PLEKHA6: variants seen among roughly 807,000 people sequenced by gnomAD.
The protein encoded by PLEKHA6 is pleckstrin homology domain-containing family A member 6.
Under a neutral mutation model 116.7 loss-of-function variants are expected in PLEKHA6, and 60 were observed. That is an observed-to-expected ratio of 0.51 (90% CI 0.42 to 0.64). PLEKHA6 has a LOEUF of 0.64. Among genes scored for constraint, PLEKHA6 ranks in the 30% least tolerant of loss-of-function variants. The pLI is 0.00. For missense variants in PLEKHA6, 1,338 were observed against 1,422.7 expected, an observed-to-expected ratio of 0.94 and a Z score of 0.96; for synonymous variants, 489 against 556.1, an observed-to-expected ratio of 0.88 and a Z score of 1.70.
intron 1 of PLEKHA6, among the ~76,000 whole-genome samples, chr1:204,304,754 C>A (rs1488858110): frequency 6.6e-6 from 1 of 152,104 alleles, no homozygotes; most frequent in Non-Finnish European, 1.5e-5. Flanking sequence ...TTAGCTTGAG[C>A]CTAAAAATTA....
chr1:204,358,930 C>T (rs1158978407), intron 1 of PLEKHA6, among the ~76,000 whole-genome samples: 2 of 151,064 alleles, frequency 1.3e-5, no homozygotes, highest in Non-Finnish European at 3.0e-5. Context: ...TGTCTCGCCC[C>T]GCTTCCCTCC....
At position 204,249,167 on chromosome 1, in the gene PLEKHA6, C is replaced by T. The variant is rs1558059936; in HGVS notation, c.1674+17G>A. The T allele has an allele frequency of 2.5e-6, 4 of 1,606,616 alleles. No individual in the cohort carries two copies. In the South Asian group the frequency reaches 4.4e-5, roughly 18 times the overall value. ...TCGCCCATCTGCCCCAGCTTAAAGC[C>T]ACCCCCAGCTTCTCACCTTCTCAGC... On this transcript the variant is annotated intron_variant, in intron 11 of 22. Coordinates refer to ENST00000272203, the MANE Select transcript of PLEKHA6 (RefSeq NM_014935.5).
Position 204,227,907 on chromosome 1 carries a change from C to T in PLEKHA6, c.3031+176G>A, listed in dbSNP as rs188494457. 1.3e-3 allele frequency among the ~76,000 whole-genome samples: 204 copies of T among 152,294 alleles called. 1 individual carries two copies. The highest frequency in any genetic ancestry group is 4.5e-3 in the African/African-American group (189 of 41,562). ...AGCAACTCTGGCCCCTTTGCACCTC[C>T]CTGAGCCTAGCACAGTACCTGGTGC... is the stretch of plus-strand genomic sequence containing the variant. On this transcript the variant is annotated intron_variant, in intron 21 of 22. Coordinates refer to ENST00000272203, the MANE Select transcript of PLEKHA6 (RefSeq NM_014935.5).
At chr1:204,359,125 T>C (rs1469078040) in intron 1 of PLEKHA6, among the ~76,000 whole-genome samples, 1 of 151,802 alleles carries the variant, frequency 6.6e-6, no homozygotes, top group East Asian at 1.9e-4. Context: ...CTTCAAGAGC[T>C]CCCCACTAAA....
intron 2 of PLEKHA6, among the ~76,000 whole-genome samples, chr1:204,370,458 C>G (rs895273356): frequency 2.0e-5 from 3 of 152,282 alleles, no homozygotes; most frequent in African/African-American, 7.2e-5. Context: ...CCCACACCCC[C>G]TCTTACTGGC....
rs375071245 is a variant in PLEKHA6, at chr1:204,260,328, A to G, written c.525-588T>C. On this transcript the variant is annotated intron_variant, in intron 7 of 22. Transcript: ENST00000272203. ...CCAGGAGCAGAAGTTTCTGCTTTCA[A>G]ACTCACAAGCACATAAACACGCTAG... is the stretch of plus-strand genomic sequence containing the variant. Among the ~76,000 whole-genome samples the G allele has an allele frequency of 5.3e-5, 8 of 152,276 alleles. No individual in the cohort carries two copies. In the East Asian group the frequency reaches 1.4e-3, roughly 26 times the overall value.
intron 1 of PLEKHA6, among the ~76,000 whole-genome samples, chr1:204,345,881 C>T (rs1673024558): frequency 6.6e-6 from 1 of 152,238 alleles, no homozygotes; most frequent in Non-Finnish European, 1.5e-5. Flanking sequence ...TTCCCAGTCG[C>T]TCTCCACACT....
At chr1:204,371,825 A>G (rs541631398) in intron 1 of PLEKHA6, among the ~76,000 whole-genome samples, 11 of 152,344 alleles carry the variant, frequency 7.2e-5, no homozygotes, top group African/African-American at 2.6e-4. Flanking sequence ...ACCTCAAAGA[A>G]TCTACATCCC....
chr1:204,304,998 A>G (rs921169798), intron 1 of PLEKHA6, among the ~76,000 whole-genome samples: 30 of 152,324 alleles, frequency 2.0e-4, no homozygotes, highest in African/African-American at 7.2e-4. Flanking sequence ...GAATTTTACC[A>G]TATCCTCGCC....
At chr1:204,322,376 G>T (rs567350295) in intron 1 of PLEKHA6, among the ~76,000 whole-genome samples, 1 of 152,090 alleles carries the variant, frequency 6.6e-6, no homozygotes, top group Non-Finnish European at 1.5e-5. Flanking sequence ...TAGCTGCCCC[G>T]GCATCCTTCT....
chr1:204,268,584 T>A (rs1667099944), intron 3 of PLEKHA6, among the ~76,000 whole-genome samples: 1 of 151,916 alleles, frequency 6.6e-6, no homozygotes. Context: ...CAGCCTTTTT[T>A]TTTTTTTTTG....
At chr1:204,312,841 A>ATTTTC (rs138741377) in intron 1 of PLEKHA6, among the ~76,000 whole-genome samples, 15,397 of 140,418 alleles carry the variant, frequency 0.11, 977 homozygotes, top group African/African-American at 0.12. Context: ...CCCTTAGCCC[A>ATTTTC]TTTTCTTTTC....
chr1:204,276,734 C>G (rs1363843010), intron 1 of PLEKHA6, among the ~76,000 whole-genome samples: 2 of 152,036 alleles, frequency 1.3e-5, no homozygotes, highest in Admixed American at 6.5e-5. Context: ...TAGGGAATGG[C>G]ACATCTCTCC....
At chr1:204,318,069 G>A (rs1330596305) in intron 1 of PLEKHA6, among the ~76,000 whole-genome samples, 3 of 152,190 alleles carry the variant, frequency 2.0e-5, no homozygotes, top group East Asian at 1.9e-4. Context: ...TGCTTACAAG[G>A]TAAATATCCT....
intron 1 of PLEKHA6, among the ~76,000 whole-genome samples, chr1:204,340,797 C>T (rs971461958): frequency 1.3e-5 from 2 of 152,188 alleles, no homozygotes; most frequent in Non-Finnish European, 2.9e-5. Context: ...AGGAAAGAAA[C>T]AGAAGACAAA....
In PLEKHA6 at chr1:204,247,425, G is replaced by T. The variant is rs138342507; in HGVS notation, c.1860C>A (p.Leu620=). 1.2e-6 allele frequency: 2 copies of T among 1,613,224 alleles called. No individual in the cohort carries two copies. The highest frequency in any genetic ancestry group is 8.5e-7 in the Non-Finnish European group (1 of 1,179,350). ...CGTGCAGGGCAGAGACCTCAGACTC[G>T]AGGTGCTCATACTCTATGGTGCTGT... The part of the protein sequence containing the change: ...LTNSTIEYEH[L]ESEVSALHDD... Residue 620 remains leucine, a synonymous_variant, in exon 13 of 23, where the codon CTC becomes CTA. Transcript: ENST00000272203.
At position 204,273,702 on chromosome 1, in the gene PLEKHA6, C is replaced by A. The variant is rs746148173; in HGVS notation, c.26G>T (p.Arg9Leu). The A allele has an allele frequency of 6.2e-7, 1 of 1,614,060 alleles. No homozygotes were observed. Among genetic ancestry groups the A allele is most frequent in the Non-Finnish European group, 8.5e-7 (1 of 1,179,958 alleles). Reference sequence around the variant, plus strand: ...TATGTCACTGTTGGTGGTAGCCGGGCGTTTCCCACCTGTTTTATTGGACAT... The same window carrying A: ...TATGTCACTGTTGGTGGTAGCCGGGAGTTTCCCACCTGTTTTATTGGACAT... The part of the protein sequence containing the change: MSNKTGGK[R>L]PATTNSDIPN... Residue 9 changes from arginine (R) to leucine (L), a missense_variant, in exon 3 of 23, where the codon CGC becomes CTC. By Grantham distance (102) the Arg-to-Leu change is moderately radical (BLOSUM62 -2). This residue lies in a region of PLEKHA6 where 62 missense variants were observed against 61.7 expected (regional missense o/e 1.01). Transcript: ENST00000272203.
chr1:204,226,319 G>A (rs1419940934), intron 21 of PLEKHA6, among the ~76,000 whole-genome samples: 1 of 152,206 alleles, frequency 6.6e-6, no homozygotes, highest in African/African-American at 2.4e-5. Context: ...TGACATGTAA[G>A]CCCATGTGTA....
intron 5 of PLEKHA6, among the ~76,000 whole-genome samples, chr1:204,265,252 T>A (rs1377710851): frequency 6.6e-6 from 1 of 152,204 alleles, no homozygotes; most frequent in South Asian, 2.1e-4. Flanking sequence ...CTGGAGATGC[T>A]GTTCCAGACA....
Sources: allele counts gnomAD v4.1 joint callset (sites outside exome capture counted in the v4.1 genomes callset), GRCh38; gene constraint gnomAD v4.1.1; regional missense constraint gnomAD v4.1.1; transcripts MANE v1.5; gene names NCBI Gene and HGNC (gene_info 2026-07-23, HGNC 2026-07-21).